Variants in NR6A1 observed in about 807,000 individuals in gnomAD.
NR6A1 encodes the protein retinoic acid receptor-related testis-associated receptor.
A neutral mutation model predicts 59.1 loss-of-function variants in NR6A1; 7 were observed. The ratio of observed to expected loss-of-function variants is 0.12; its 90% CI spans 0.07 to 0.22. The LOEUF (loss-of-function observed/expected upper bound fraction) is 0.22. Among genes scored for constraint, NR6A1 ranks in the 10% least tolerant of loss-of-function variants. NR6A1 has a pLI of 1.00. For missense variants in NR6A1, 468 were observed against 611.6 expected (o/e 0.77, Z 2.48); for synonymous variants, 243 against 236.1 (o/e 1.03, Z -0.27).
intron 2 of NR6A1, among the ~76,000 whole-genome samples, chr9:124,676,462 A>T (rs912804358): frequency 1.3e-5 from 2 of 152,154 alleles, no homozygotes; most frequent in Non-Finnish European, 2.9e-5. Context: ...TGACCTACAT[A>T]TAGCCTCTTT....
chr9:124,698,260 C>T (rs1358626918), intron 2 of NR6A1: 6 of 151,972 alleles, frequency 3.9e-5, no homozygotes, highest in East Asian at 1.9e-4. Flanking sequence ...ATAAATCTTT[C>T]GCCTTTTAAA....
chr9:124,558,554 G>A (rs754407677), intron 2 of NR6A1, among the ~76,000 whole-genome samples: 8 of 151,996 alleles, frequency 5.3e-5, no homozygotes, highest in Admixed American at 2.0e-4. Flanking sequence ...ATTGTTAACT[G>A]ACCACTTAGG....
intron 2 of NR6A1, among the ~76,000 whole-genome samples, chr9:124,659,619 T>A (rs534802550): frequency 1.3e-5 from 2 of 151,660 alleles, no homozygotes; most frequent in Non-Finnish European, 2.9e-5. Context: ...TGTCTAACTC[T>A]TGTAATCTAC....
intron 1 of NR6A1, among the ~76,000 whole-genome samples, chr9:124,761,237 C>G (rs933788963): frequency 1.2e-4 from 19 of 152,188 alleles, no homozygotes; most frequent in African/African-American, 4.3e-4. Flanking sequence ...CCACAAAACA[C>G]AAAAATGTTT....
chr9:124,535,474 A>C (rs1469243872), intron 7 of NR6A1, among the ~76,000 whole-genome samples: 2 of 151,592 alleles, frequency 1.3e-5, no homozygotes, highest in Non-Finnish European at 2.9e-5. Context: ...ACTACTTGGG[A>C]GGCTGAGGCA....
intron 1 of NR6A1, among the ~76,000 whole-genome samples, chr9:124,734,207 A>G (rs1839958694): frequency 6.6e-6 from 1 of 152,112 alleles, no homozygotes; most frequent in South Asian, 2.1e-4. Context: ...TATCTCTAAC[A>G]CCTGTGCTTG....
chr9:124,749,636 A>T (rs892050293), intron 1 of NR6A1, among the ~76,000 whole-genome samples: 1 of 151,986 alleles, frequency 6.6e-6, no homozygotes, highest in Admixed American at 6.6e-5. Context: ...ATCATAATGC[A>T]CTCCAGCCTC....
Position 124,771,198 on chromosome 9 carries a change from G to T in NR6A1, c.-79C>A, listed in dbSNP as rs1000701725. 4 of 804,946 alleles carry T rather than the reference G, an allele frequency of 5.0e-6. No homozygotes were observed. The highest frequency in any genetic ancestry group is 4.3e-5 in the Admixed American group (1 of 23,120). The allele number at this position is 804,946 out of a possible 1,614,324, so 49.9% of individuals were successfully genotyped here. On this transcript the variant is annotated 5_prime_UTR_variant, in exon 1 of 10. Coordinates refer to ENST00000487099, the MANE Select transcript of NR6A1 (RefSeq NM_033334.4). ...CTAGTCGCCGTGGTCGTCGTCCGCC[G>T]AGGGGAGGAGGTTGTCAGGAGCCCG...
At chr9:124,770,719 G>A (rs1841118973) in intron 1 of NR6A1, among the ~76,000 whole-genome samples, 1 of 112,392 alleles carries the variant, frequency 8.9e-6, no homozygotes, top group Non-Finnish European at 1.9e-5. Context: ...CGGGGGGAGG[G>A]GAAGCCTGTG....
At chr9:124,674,249 T>C (rs901103858) in intron 2 of NR6A1, among the ~76,000 whole-genome samples, 1 of 152,176 alleles carries the variant, frequency 6.6e-6, no homozygotes, top group East Asian at 1.9e-4. Context: ...ACACATACAA[T>C]GCCTAGGTAC....
intron 3 of NR6A1, among the ~76,000 whole-genome samples, chr9:124,553,827 C>A (rs1384528522): frequency 6.6e-6 from 1 of 152,062 alleles, no homozygotes; most frequent in Non-Finnish European, 1.5e-5. Context: ...ATTCATCCTA[C>A]TAGAACGTCA....
intron 3 of NR6A1, among the ~76,000 whole-genome samples, chr9:124,544,230 T>C (rs940611436): frequency 6.6e-6 from 1 of 152,240 alleles, no homozygotes; most frequent in East Asian, 1.9e-4. Flanking sequence ...AATAAAATAG[T>C]TTGTATTCCC....
intron 2 of NR6A1, among the ~76,000 whole-genome samples, chr9:124,567,120 AT>A (rs1317091614): frequency 6.6e-6 from 1 of 151,896 alleles, no homozygotes; most frequent in African/African-American, 2.4e-5. Flanking sequence ...AAAAAAAAAA[AT>A]AAATAAAAAT....
intron 2 of NR6A1, among the ~76,000 whole-genome samples, chr9:124,589,483 A>T (rs1283435345): frequency 6.6e-6 from 1 of 151,812 alleles, no homozygotes; most frequent in Non-Finnish European, 1.5e-5. Flanking sequence ...TAAAAAAAAT[A>T]AACATAAATG....
chr9:124,645,972 G>A (rs1836918691), intron 2 of NR6A1, among the ~76,000 whole-genome samples: 1 of 152,032 alleles, frequency 6.6e-6, no homozygotes, highest in African/African-American at 2.4e-5. Flanking sequence ...AAGATATCTG[G>A]AACATCTCAA....
chr9:124,697,792 T>G (rs1239749682), intron 2 of NR6A1, among the ~76,000 whole-genome samples: 1 of 152,080 alleles, frequency 6.6e-6, no homozygotes, highest in Non-Finnish European at 1.5e-5. Flanking sequence ...TAAATGAGGG[T>G]AAAAATCTCA....
chr9:124,617,012 G>A (rs1349507944), intron 2 of NR6A1, among the ~76,000 whole-genome samples: 6 of 152,180 alleles, frequency 3.9e-5, no homozygotes, highest in East Asian at 1.9e-4. Flanking sequence ...AAAAATATAC[G>A]TATAAGGCAC....
At chr9:124,715,235 ATT>A (rs997912755) in intron 2 of NR6A1, among the ~76,000 whole-genome samples, 3 of 151,826 alleles carry the variant, frequency 2.0e-5, no homozygotes, top group Non-Finnish European at 2.9e-5. Context: ...AAGACTCAAT[ATT>A]ATTGACTGGG....
chr9:124,714,654 TAA>T (rs1291873598), intron 2 of NR6A1, among the ~76,000 whole-genome samples: 1 of 152,186 alleles, frequency 6.6e-6, no homozygotes, highest in East Asian at 1.9e-4. Flanking sequence ...ATTTATTTTT[TAA>T]AGTTACTAGA....
Sources: allele counts gnomAD v4.1 joint callset (sites outside exome capture counted in the v4.1 genomes callset), GRCh38; gene constraint gnomAD v4.1.1; transcripts MANE v1.5; gene names NCBI Gene and HGNC (gene_info 2026-07-23, HGNC 2026-07-21).